Variants in PCA3 observed in about 807,000 individuals in gnomAD.
PCA3 encodes the protein Differential Display code 3.
intron 2 of PCA3, among the ~76,000 whole-genome samples, chr9:76,776,887 A>AAC (rs1224020427): frequency 1.9e-4 from 18 of 96,538 alleles, no homozygotes; most frequent in East Asian, 3.1e-4. Flanking sequence ...TCATTACCAA[A>AAC]ACACATACAC....
chr9:76,787,114 A>G (rs1181869051), intron 2 of PCA3: 1 of 152,164 alleles, frequency 6.6e-6, no homozygotes, highest in African/African-American at 2.4e-5. Context: ...TATCTGCCCT[A>G]TCAATTTTTT....
intron 2 of PCA3, among the ~76,000 whole-genome samples, chr9:76,780,523 TA>T (rs201425099): frequency 3.8e-4 from 57 of 150,632 alleles, no homozygotes; most frequent in African/African-American, 1.1e-3. Flanking sequence ...CTGTTTCTAA[TA>T]AAAAAAAATA....
intron 2 of PCA3, among the ~76,000 whole-genome samples, chr9:76,779,232 C>CTT (rs5898506): frequency 0.062 from 8,918 of 144,828 alleles, 737 homozygotes; most frequent in African/African-American, 0.19. Context: ...AAAACTTAGA[C>CTT]TTTTTTTTTT....
intron 2 of PCA3, among the ~76,000 whole-genome samples, chr9:76,774,104 G>T (rs1055865054): frequency 2.0e-5 from 3 of 152,044 alleles, no homozygotes; most frequent in Admixed American, 6.6e-5. Flanking sequence ...AGAGGGAAAA[G>T]AATAGGTTTG....
intron 2 of PCA3, among the ~76,000 whole-genome samples, chr9:76,765,929 T>TC (rs1207552180): frequency 6.6e-6 from 1 of 152,094 alleles, no homozygotes; most frequent in African/African-American, 2.4e-5. Flanking sequence ...ACGCCTATAA[T>TC]CCCAGTACTT....
intron 2 of PCA3, among the ~76,000 whole-genome samples, chr9:76,767,217 C>T (rs561058465): frequency 7.1e-4 from 108 of 152,208 alleles, no homozygotes; most frequent in Non-Finnish European, 1.2e-3. Flanking sequence ...TTTGGGAGGC[C>T]GAGGTGGGCA....
chr9:76,775,903 C>T (rs1256865949), intron 2 of PCA3, among the ~76,000 whole-genome samples: 1 of 143,742 alleles, frequency 7.0e-6, no homozygotes, highest in Non-Finnish European at 1.5e-5. Context: ...CCATTACTCC[C>T]CTCCTCCTAT....
intron 2 of PCA3, chr9:76,786,906 T>C (rs2055045224): frequency 6.6e-6 from 1 of 152,246 alleles, no homozygotes; most frequent in South Asian, 2.1e-4. Context: ...TTGTGGTACA[T>C]GCATGCAAGA....
intron 2 of PCA3, among the ~76,000 whole-genome samples, chr9:76,774,107 T>G (rs2053422735): frequency 6.6e-6 from 1 of 152,118 alleles, no homozygotes; most frequent in Non-Finnish European, 1.5e-5. Flanking sequence ...GGGAAAAGAA[T>G]AGGTTTGATT....
At chr9:76,785,578 T>C (rs1452264955) in intron 2 of PCA3, 1 of 152,224 alleles carries the variant, frequency 6.6e-6, no homozygotes, top group Non-Finnish European at 1.5e-5. Context: ...CTTTAGAATT[T>C]TGGCAAATCA....
intron 2 of PCA3, among the ~76,000 whole-genome samples, chr9:76,769,274 T>C (rs183431355): frequency 6.6e-6 from 1 of 152,250 alleles, no homozygotes; most frequent in Non-Finnish European, 1.5e-5. Context: ...AATTTTTTAC[T>C]TCAATACACT....
intron 2 of PCA3, among the ~76,000 whole-genome samples, chr9:76,774,453 T>TATTTATTTATTTATTTATTTATTTA (rs370472844): frequency 8.3e-4 from 101 of 122,298 alleles, no homozygotes; most frequent in African/African-American, 2.9e-3. Context: ...TTCAACCCTT[T>TATTTATTTATTTATTTATTTATTTA]TTTTTTTTTT....
intron 2 of PCA3, among the ~76,000 whole-genome samples, chr9:76,774,223 C>G (rs929781688): frequency 6.6e-6 from 1 of 152,010 alleles, no homozygotes; most frequent in African/African-American, 2.4e-5. Flanking sequence ...GCAGCCTCAA[C>G]CTCCTAGGCT....
intron 2 of PCA3, among the ~76,000 whole-genome samples, chr9:76,769,974 T>C (rs1016181559): frequency 6.6e-6 from 1 of 152,172 alleles, no homozygotes; most frequent in Non-Finnish European, 1.5e-5. Context: ...AAAGATTAAC[T>C]AGACAAGAGC....
At chr9:76,770,516 T>C (rs990118489) in intron 2 of PCA3, among the ~76,000 whole-genome samples, 18 of 152,212 alleles carry the variant, frequency 1.2e-4, no homozygotes, top group African/African-American at 4.1e-4. Flanking sequence ...TTCATGAAAT[T>C]GACATTCATC....
At chr9:76,778,751 G>A (rs1352325773) in intron 2 of PCA3, 2 of 152,210 alleles carry the variant, frequency 1.3e-5, no homozygotes, top group Non-Finnish European at 2.9e-5. Context: ...TTTATTTCAG[G>A]TGCCTAGAAC....
At chr9:76,785,719 AGTT>A (rs1303878594) in intron 2 of PCA3, 1 of 148,024 alleles carries the variant, frequency 6.8e-6, no homozygotes, top group Non-Finnish European at 1.5e-5. Flanking sequence ...ACTCAGGACC[AGTT>A]GTTAAGAGCT....
chr9:76,785,050 T>C (rs2054831058), intron 2 of PCA3: 1 of 152,192 alleles, frequency 6.6e-6, no homozygotes, highest in Admixed American at 6.5e-5. Flanking sequence ...AGTATAAAGT[T>C]AAAATGCTTA....
At chr9:76,768,585 G>GTGTGTGTGTA (rs1554757131) in intron 2 of PCA3, among the ~76,000 whole-genome samples, 3 of 64,132 alleles carry the variant, frequency 4.7e-5, no homozygotes, top group African/African-American at 2.8e-4. Context: ...GTATATGTAT[G>GTGTGTGTGTA]TGTGTGTGTG....
Sources: allele counts gnomAD v4.1 joint callset (sites outside exome capture counted in the v4.1 genomes callset), GRCh38; gene constraint gnomAD v4.1.1; transcripts MANE v1.5; gene names NCBI Gene and HGNC (gene_info 2026-07-23, HGNC 2026-07-21).